The following ARHGEF3 variants were observed in gnomAD, a reference collection of about 807,000 sequenced individuals.
The protein encoded by ARHGEF3 is 59.8 kDA protein.
A neutral mutation model predicts 63.2 loss-of-function variants in ARHGEF3; 28 were observed. That is an observed-to-expected ratio of 0.44 (90% CI 0.33 to 0.61). The LOEUF is 0.61. ARHGEF3 is among the 20% of genes least tolerant of loss of function. The pLI is 0.03. For missense variants in ARHGEF3, 533 were observed against 659.3 expected, an observed-to-expected ratio of 0.81 and a Z score of 2.10; for synonymous variants, 266 against 254.2, an observed-to-expected ratio of 1.05 and a Z score of -0.44.
chr3:56,811,965 T>C (rs2038083496), intron 4 of ARHGEF3, among the ~76,000 whole-genome samples: 1 of 152,208 alleles, frequency 6.6e-6, no homozygotes, highest in Admixed American at 6.5e-5. Flanking sequence ...TCATATTGAC[T>C]GATTTTATGT....
At chr3:56,775,767 G>T in intron 1 of ARHGEF3, 1 of 709,668 alleles carries the variant, frequency 1.4e-6, no homozygotes, top group Non-Finnish European at 1.7e-6. Context: ...TGCACCACTA[G>T]CGTACTGAAT....
chr3:56,968,084 T>C (rs1308294404), intron 2 of ARHGEF3, among the ~76,000 whole-genome samples: 1 of 55,072 alleles, frequency 1.8e-5, no homozygotes, highest in South Asian at 5.7e-4. Flanking sequence ...TATTATATAT[T>C]TATTATACAT....
intron 2 of ARHGEF3, among the ~76,000 whole-genome samples, chr3:57,028,972 A>G: frequency 9.0e-6 from 1 of 110,662 alleles, no homozygotes; most frequent in South Asian, 2.8e-4. Flanking sequence ...AGGGCAGATA[A>G]TGGTGAAGAC....
At chr3:57,069,509 A>G (rs1215033243) in intron 1 of ARHGEF3, among the ~76,000 whole-genome samples, 1 of 152,224 alleles carries the variant, frequency 6.6e-6, no homozygotes, top group Non-Finnish European at 1.5e-5. Context: ...CTTTAAGTTT[A>G]GAAAACAAGG....
chr3:57,014,887 G>T (rs1010889130), intron 2 of ARHGEF3, among the ~76,000 whole-genome samples: 1 of 151,978 alleles, frequency 6.6e-6, no homozygotes, highest in Non-Finnish European at 1.5e-5. Context: ...GGGTTTCACC[G>T]TGTTAGCCAG....
At chr3:56,870,906 C>T (rs957049362) in intron 4 of ARHGEF3, among the ~76,000 whole-genome samples, 3 of 151,950 alleles carry the variant, frequency 2.0e-5, no homozygotes, top group Non-Finnish European at 4.4e-5. Context: ...CTTCTCACAG[C>T]AATCAATAAA....
At chr3:56,854,438 G>A (rs2039797975) in intron 4 of ARHGEF3, among the ~76,000 whole-genome samples, 1 of 152,194 alleles carries the variant, frequency 6.6e-6, no homozygotes, top group Non-Finnish European at 1.5e-5. Flanking sequence ...GAAACAGGGA[G>A]AAGCAGCAAA....
At chr3:56,877,735 C>T (rs1431765486) in intron 4 of ARHGEF3, among the ~76,000 whole-genome samples, 1 of 152,022 alleles carries the variant, frequency 6.6e-6, no homozygotes, top group African/African-American at 2.4e-5. Flanking sequence ...TATATATGCT[C>T]TTTAGGGATA....
At chr3:57,014,553 A>C (rs1290049816) in intron 2 of ARHGEF3, among the ~76,000 whole-genome samples, 1 of 152,252 alleles carries the variant, frequency 6.6e-6, no homozygotes, top group African/African-American at 2.4e-5. Flanking sequence ...AACAGTATTT[A>C]ATGATCAGCA....
chr3:56,733,957 C>G (rs35168152), intron 8 of ARHGEF3, among the ~76,000 whole-genome samples: 1 of 125,578 alleles, frequency 8.0e-6, no homozygotes. Context: ...GCACTCCAGT[C>G]TGGGCGACAA....
At chr3:56,748,878 C>T (rs1454391096) in intron 6 of ARHGEF3, among the ~76,000 whole-genome samples, 1 of 152,172 alleles carries the variant, frequency 6.6e-6, no homozygotes, top group Non-Finnish European at 1.5e-5. Flanking sequence ...CTGGCCAGGG[C>T]TGTCCCACTT....
At chr3:56,764,278 C>T (rs17288908) in intron 2 of ARHGEF3, among the ~76,000 whole-genome samples, 50,880 of 151,940 alleles carry the variant, frequency 0.33, 9,659 homozygotes, top group Middle Eastern at 0.56. Context: ...GGCAGTAGCT[C>T]AACCATCTTC....
chr3:56,867,737 C>G (rs1360878748), intron 4 of ARHGEF3, among the ~76,000 whole-genome samples: 30 of 152,296 alleles, frequency 2.0e-4, no homozygotes, highest in Non-Finnish European at 1.5e-5. Context: ...TCCCAAAGTG[C>G]TGGAATTACA....
At chr3:56,806,883 C>T (rs1357213182), upstream of ARHGEF3, among the ~76,000 whole-genome samples, 1 of 149,842 alleles carries the variant, frequency 6.7e-6, no homozygotes, top group Non-Finnish European at 1.5e-5. Context: ...TAAGGAATAG[C>T]GAGTTCCTTT....
At chr3:56,947,141 A>C (rs1699548385) in intron 3 of ARHGEF3, among the ~76,000 whole-genome samples, 1 of 152,234 alleles carries the variant, frequency 6.6e-6, no homozygotes, top group Non-Finnish European at 1.5e-5. Context: ...TAAATATGGA[A>C]AGGAACAACC....
chr3:56,930,799 A>T (rs922750841), intron 3 of ARHGEF3, among the ~76,000 whole-genome samples: 1 of 152,204 alleles, frequency 6.6e-6, no homozygotes, highest in Non-Finnish European at 1.5e-5. Flanking sequence ...TAGGGAGATG[A>T]TGTTCAATAC....
chr3:56,983,656 A>C (rs1417098007), intron 2 of ARHGEF3, among the ~76,000 whole-genome samples: 1 of 152,122 alleles, frequency 6.6e-6, no homozygotes, highest in African/African-American at 2.4e-5. Context: ...ACTGACTATC[A>C]GCCGGAAGCA....
rs1559875592 is a variant in ARHGEF3 at position 56,728,529 on chromosome 3, C to T, written c.*741G>A. ...GTTCTATTCTGATGTTTTAGGCTAG[C>T]AACCAACTATGAGAGACACCTCCTG... On this transcript the variant is annotated 3_prime_UTR_variant, in exon 10 of 10. Coordinates refer to ENST00000296315, the MANE Select transcript of ARHGEF3 (RefSeq NM_019555.3). The T allele has an allele frequency of 6.6e-6, 1 of 152,642 alleles. No homozygotes were observed. Among genetic ancestry groups the T allele is most frequent in the Non-Finnish European group, 1.5e-5 (1 of 68,056 alleles). 9.5% of individuals were successfully genotyped at this position (152,642 alleles called of 1,614,324 possible).
chr3:56,956,264 T>C (rs1256651282), intron 3 of ARHGEF3, among the ~76,000 whole-genome samples: 1 of 148,390 alleles, frequency 6.7e-6, no homozygotes, highest in Non-Finnish European at 1.5e-5. Flanking sequence ...AATTATTACT[T>C]TTTTTTAAAT....
Sources: allele counts gnomAD v4.1 joint callset (sites outside exome capture counted in the v4.1 genomes callset), GRCh38; gene constraint gnomAD v4.1.1; transcripts MANE v1.5; gene names NCBI Gene and HGNC (gene_info 2026-07-23, HGNC 2026-07-21).